FIP1L1: variants seen among roughly 807,000 people sequenced by gnomAD.
FIP1L1 encodes pre-mRNA 3'-end-processing factor FIP1.
In FIP1L1, 21 loss-of-function variants were observed where a neutral mutation model predicts 84.6. The ratio of observed to expected loss-of-function variants is 0.25; its 90% CI spans 0.18 to 0.36. The LOEUF is 0.36. Ranked by LOEUF, FIP1L1 falls within the 10% of genes least tolerant of loss-of-function variation. The pLI is 1.00. For synonymous variants in FIP1L1, 263 were observed against 242.3 expected (o/e 1.09, Z -0.80); for missense variants, 526 against 751.1 (o/e 0.70, Z 3.50).
At position 53,414,593 on chromosome 4, in the gene FIP1L1, CAT is replaced by C. The variant is rs1263407346; in HGVS notation, c.816-20_816-19del. 2.0e-5 allele frequency: 30 copies of C among 1,518,626 alleles called. No homozygotes were observed. The highest frequency in any genetic ancestry group is 2.3e-5 in the Non-Finnish European group (26 of 1,108,366). The allele number at this position is 1,518,626 out of a possible 1,614,324, so 94.1% of individuals were successfully genotyped here. ...AGAGACAACAATATGTAAGAAAAAA[CAT>C]AGAAAATTTATCTCACCAGAAACAG... On this transcript the variant is annotated intron_variant, in intron 10 of 17. Transcript: ENST00000337488.
At chr4:53,449,623 T>C (rs78618218) in intron 15 of FIP1L1, among the ~76,000 whole-genome samples, 2,750 of 152,230 alleles carry the variant, frequency 0.018, 84 homozygotes, top group African/African-American at 0.063. Flanking sequence ...ACCAAGATTA[T>C]ACCAGCCAGG....
intron 3 of FIP1L1, 23 bp from the exon 4 acceptor site, chr4:53,382,255 A>G (rs1560482132): frequency 5.1e-6 from 8 of 1,574,080 alleles, no homozygotes; most frequent in East Asian, 2.2e-5. Context: ...CCTGACATGT[A>G]TACTTACTTT....
intron 16 of FIP1L1, among the ~76,000 whole-genome samples, chr4:53,454,748 A>G (rs546284485): frequency 3.2e-4 from 49 of 152,300 alleles, no homozygotes; most frequent in African/African-American, 1.1e-3. Context: ...AACACCAGCT[A>G]CATTAAGGAA....
chr4:53,429,935 A>G (rs1765835051), intron 13 of FIP1L1, among the ~76,000 whole-genome samples: 1 of 152,110 alleles, frequency 6.6e-6, no homozygotes, highest in Non-Finnish European at 1.5e-5. Context: ...TTTGAAAATC[A>G]TCTCCCCTAC....
At chr4:53,388,542 A>T (rs1742394205) in intron 5 of FIP1L1, among the ~76,000 whole-genome samples, 4 of 151,988 alleles carry the variant, frequency 2.6e-5, no homozygotes, top group African/African-American at 7.2e-5. Flanking sequence ...TCATGGTGTT[A>T]GCCAGGATGG....
At chr4:53,391,551 G>A in intron 9 of FIP1L1, 53 bp downstream of exon 9, 1 of 1,291,522 alleles carries the variant, frequency 7.7e-7, no homozygotes, top group Non-Finnish European at 1.1e-6. Flanking sequence ...TCTTGAGTCT[G>A]CTCCCATGCC....
At chr4:53,435,782 A>G (rs1027731604) in intron 13 of FIP1L1, among the ~76,000 whole-genome samples, 1 of 151,938 alleles carries the variant, frequency 6.6e-6, no homozygotes, top group Non-Finnish European at 1.5e-5. Flanking sequence ...TTCTTTCTAC[A>G]TTCTGGTTTG....
At chr4:53,424,155 G>A (rs1244237907) in intron 11 of FIP1L1, among the ~76,000 whole-genome samples, 1 of 152,082 alleles carries the variant, frequency 6.6e-6, no homozygotes, top group Non-Finnish European at 1.5e-5. Flanking sequence ...AAAGGAAATA[G>A]AGCGAAAATA....
chr4:53,427,896 C>T, intron 12 of FIP1L1, 131 bp from the exon 13 acceptor site: 2 of 707,728 alleles, frequency 2.8e-6, no homozygotes, highest in Non-Finnish European at 4.5e-6. Context: ...TATTACTCTC[C>T]CCCCAAAAAT....
intron 10 of FIP1L1, among the ~76,000 whole-genome samples, chr4:53,406,636 TCC>T (rs1753665088): frequency 6.6e-6 from 1 of 152,186 alleles, no homozygotes; most frequent in South Asian, 2.1e-4. Context: ...ATCCATCTGG[TCC>T]TGGACTCTTT....
At chr4:53,387,772 C>T (rs546369125) in intron 5 of FIP1L1, among the ~76,000 whole-genome samples, 1 of 152,254 alleles carries the variant, frequency 6.6e-6, no homozygotes, top group African/African-American at 2.4e-5. Context: ...TAGAGAAAAT[C>T]CTTGATTTTT....
intron 9 of FIP1L1, among the ~76,000 whole-genome samples, chr4:53,392,417 A>G (rs1744732642): frequency 6.6e-6 from 1 of 152,214 alleles, no homozygotes; most frequent in South Asian, 2.1e-4. Context: ...ACAGTTCTAT[A>G]TAGATAATTT....
intron 5 of FIP1L1, among the ~76,000 whole-genome samples, chr4:53,385,288 G>A (rs765736686): frequency 3.3e-5 from 5 of 152,094 alleles, no homozygotes; most frequent in Non-Finnish European, 5.9e-5. Flanking sequence ...AGAACAACTT[G>A]AAGCAAATGA....
intron 9 of FIP1L1, among the ~76,000 whole-genome samples, chr4:53,392,607 G>T (rs1159556668): frequency 6.6e-6 from 1 of 152,098 alleles, no homozygotes; most frequent in Non-Finnish European, 1.5e-5. Context: ...TTGTCTTAAT[G>T]AACTAGTTCA....
chr4:53,383,805 T>C lies in FIP1L1; in HGVS notation c.261T>C (p.Ser87=), dbSNP rs1428167048. 1 of 1,611,684 alleles carries C rather than the reference T, an allele frequency of 6.2e-7. No homozygotes were observed. The highest frequency in any genetic ancestry group is 1.1e-5 in the South Asian group (1 of 90,968). ...CTGAGACCGAAGATGATAGTGATAGTGACAGCGATGATGATGAAGATGATG... is the reference window on the plus strand; with the variant it reads ...CTGAGACCGAAGATGATAGTGATAGCGACAGCGATGATGATGAAGATGATG... ...KVTETEDDSD[S]DSDDDEDDVH... The change falls in exon 5 of 18, where the codon AGT becomes AGC. Residue 87 remains serine (S), a synonymous_variant. Coordinates refer to ENST00000337488, the MANE Select transcript of FIP1L1 (RefSeq NM_030917.4).
chr4:53,409,049 C>G (rs1178419662), intron 10 of FIP1L1, among the ~76,000 whole-genome samples: 3 of 152,192 alleles, frequency 2.0e-5, no homozygotes, highest in Non-Finnish European at 2.9e-5. Context: ...GAACTGCGTT[C>G]CTTTGGAGGA....
At position 53,459,790 on chromosome 4, in the gene FIP1L1, G is replaced by C; in HGVS notation, c.*341G>C. On this transcript the variant is annotated 3_prime_UTR_variant, in exon 18 of 18. Transcript: ENST00000337488. The stretch of plus-strand genomic sequence containing the variant: ...GTTCCACTTGGGCCACAGTTTTTTT[G>C]TTAATCAAACACCACTCTCTTAAGA... 6.3e-6 allele frequency: 2 copies of C among 317,226 alleles called. No individual in the cohort carries two copies. Among genetic ancestry groups the C allele is most frequent in the African/African-American group, 2.2e-5 (1 of 46,436 alleles). 19.7% of individuals were successfully genotyped at this position (317,226 alleles called of 1,614,324 possible). A position where few individuals can be genotyped will look rare whatever the true frequency, so the allele number is the denominator to read the frequency against.
chr4:53,433,197 T>TA (rs1486725499), intron 13 of FIP1L1, among the ~76,000 whole-genome samples: 1 of 152,220 alleles, frequency 6.6e-6, no homozygotes, highest in Non-Finnish European at 1.5e-5. Context: ...TGGCATTAAA[T>TA]ACATTCACAA....
chr4:53,420,922 A>G (rs189366072), intron 11 of FIP1L1, among the ~76,000 whole-genome samples: 1 of 152,330 alleles, frequency 6.6e-6, no homozygotes, highest in African/African-American at 2.4e-5. Context: ...GGAGGGAACA[A>G]AATGTCTAGC....
Sources: allele counts gnomAD v4.1 joint callset (sites outside exome capture counted in the v4.1 genomes callset), GRCh38; gene constraint gnomAD v4.1.1; transcripts MANE v1.5; gene names NCBI Gene and HGNC (gene_info 2026-07-23, HGNC 2026-07-21).